The following CTNNA2 variants were observed in gnomAD, a reference collection of about 807,000 sequenced individuals.
CTNNA2 encodes the protein catenin alpha-2.
A neutral mutation model predicts 101.0 loss-of-function variants in CTNNA2; 42 were observed. The observed-to-expected ratio is 0.42, with a 90% CI of 0.32 to 0.54. The LOEUF (loss-of-function observed/expected upper bound fraction) is 0.54, where lower values mean the gene tolerates loss of function less well. Ranked by LOEUF, CTNNA2 falls within the 20% of genes least tolerant of loss-of-function variation. The pLI, the probability that CTNNA2 is intolerant of heterozygous loss-of-function variation, is 0.14. For missense variants in CTNNA2, 871 were observed against 1,223.1 expected (o/e 0.71, Z 4.29); for synonymous variants, 450 against 456.4 (o/e 0.99, Z 0.18).
At chr2:80,375,557 G>T (rs1675862181) in intron 7 of CTNNA2, among the ~76,000 whole-genome samples, 1 of 134,880 alleles carries the variant, frequency 7.4e-6, no homozygotes, top group South Asian at 2.4e-4. Flanking sequence ...CCTGGTTTCT[G>T]GCTTCTTTTT....
intron 7 of CTNNA2, chr2:80,288,353 T>C (rs1041144184): frequency 3.3e-5 from 5 of 152,186 alleles, no homozygotes; most frequent in Admixed American, 2.6e-4. Flanking sequence ...CCTAGGTGTT[T>C]CATTACACTT....
At chr2:80,041,423 G>C (rs1248664108) in intron 7 of CTNNA2, among the ~76,000 whole-genome samples, 1 of 152,070 alleles carries the variant, frequency 6.6e-6, no homozygotes, top group African/African-American at 2.4e-5. Flanking sequence ...TATTTGCTTT[G>C]TGCTGTTCGT....
chr2:79,294,013 C>T (rs11904528), intron 2 of CTNNA2, among the ~76,000 whole-genome samples: 27,300 of 151,770 alleles, frequency 0.18, 3,449 homozygotes, highest in African/African-American at 0.36. Context: ...TGTCTTAGTC[C>T]GCTTGGTCTG....
intron 4 of CTNNA2, among the ~76,000 whole-genome samples, chr2:79,443,049 G>A (rs551567988): frequency 1.3e-5 from 2 of 152,218 alleles, no homozygotes; most frequent in South Asian, 2.1e-4. Context: ...GGAGTTGGGG[G>A]AAGAATATAT....
intron 12 of CTNNA2, among the ~76,000 whole-genome samples, chr2:80,569,848 T>C (rs1236886999): frequency 1.3e-5 from 2 of 151,686 alleles, no homozygotes; most frequent in South Asian, 2.1e-4. Context: ...TTCACTGTGT[T>C]ACCCAGGATG....
At position 79,916,944 on chromosome 2, in the gene CTNNA2, G is replaced by GTTTGT. The variant is rs541183288; in HGVS notation, c.1056+7161_1056+7165dup. 1.7e-3 allele frequency among the ~76,000 whole-genome samples: 257 copies of GTTTGT among 151,646 alleles called. 2 individuals carry two copies. Among genetic ancestry groups the GTTTGT allele is most frequent in the African/African-American group, 5.1e-3 (210 of 41,372 alleles). On this transcript the variant is annotated intron_variant, in intron 7 of 18. Transcript: ENST00000402739. ...AGCTTTTTTTGTTTTTTGTTTGTTT[G>GTTTGT]TTTGTTTTGTTTTGTTTTTTGAGAC...
At chr2:79,750,830 C>G (rs569338961) in intron 3 of CTNNA2, among the ~76,000 whole-genome samples, 1 of 151,232 alleles carries the variant, frequency 6.6e-6, no homozygotes, top group African/African-American at 2.4e-5. Context: ...CAAGATCTTG[C>G]CACTGCACTC....
chr2:79,444,096 T>C (rs1184504488), intron 4 of CTNNA2, among the ~76,000 whole-genome samples: 1 of 151,986 alleles, frequency 6.6e-6, no homozygotes, highest in Non-Finnish European at 1.5e-5. Context: ...ATCTCTACAG[T>C]TGAGCCTTCA....
chr2:79,231,161 C>G (rs1321088576), intron 2 of CTNNA2, among the ~76,000 whole-genome samples: 1 of 152,008 alleles, frequency 6.6e-6, no homozygotes, highest in Non-Finnish European at 1.5e-5. Flanking sequence ...TGGGAGGGGC[C>G]AGGGAAGAAT....
At chr2:79,730,842 G>T (rs993446354) in intron 2 of CTNNA2, among the ~76,000 whole-genome samples, 2 of 150,946 alleles carry the variant, frequency 1.3e-5, no homozygotes, top group African/African-American at 4.9e-5. Context: ...AGAGACAAAG[G>T]GAGACCAAAA....
chr2:80,569,713 G>GC (rs1694405435), intron 12 of CTNNA2, among the ~76,000 whole-genome samples: 1 of 138,066 alleles, frequency 7.2e-6, no homozygotes, highest in South Asian at 2.4e-4. Context: ...CACCACCTCG[G>GC]CTCACTGCAA....
intron 1 of CTNNA2, among the ~76,000 whole-genome samples, chr2:79,649,853 C>T (rs956795100): frequency 3.9e-5 from 6 of 152,004 alleles, no homozygotes; most frequent in African/African-American, 1.4e-4. Flanking sequence ...TTGGTTGGGT[C>T]TATTTGCAAA....
intron 7 of CTNNA2, among the ~76,000 whole-genome samples, chr2:80,369,066 A>T (rs1675215009): frequency 6.6e-6 from 1 of 151,990 alleles, no homozygotes; most frequent in Admixed American, 6.6e-5. Flanking sequence ...ACAGGTTCAT[A>T]AAGTTTATTT....
At chr2:80,417,233 CAT>C (rs1438898174) in intron 8 of CTNNA2, among the ~76,000 whole-genome samples, 1 of 150,824 alleles carries the variant, frequency 6.6e-6, no homozygotes, top group Non-Finnish European at 1.5e-5. Context: ...ATTAAGATAA[CAT>C]ATTAATCATC....
Position 79,536,286 on chromosome 2 carries a change from A to G in CTNNA2, c.-6+23079A>G, listed in dbSNP as rs536143127. ...TCGCTATTTGGTTGATTCTGATCATATATCTGTTTCTATTAAGGTGCAAGC... is the reference window on the plus strand; with the variant it reads ...TCGCTATTTGGTTGATTCTGATCATGTATCTGTTTCTATTAAGGTGCAAGC... On this transcript the variant is annotated intron_variant, in intron 1 of 18. Coordinates refer to ENST00000402739, the MANE Select transcript of CTNNA2 (RefSeq NM_001282597.3). 6.6e-5 allele frequency among the ~76,000 whole-genome samples: 10 copies of G among 152,308 alleles called. 1 individual carries two copies. The East Asian group carries it at 1.7e-3, about 26-fold the overall frequency.
intron 2 of CTNNA2, among the ~76,000 whole-genome samples, chr2:79,301,783 T>C (rs1297123432): frequency 6.6e-6 from 1 of 152,058 alleles, no homozygotes; most frequent in African/African-American, 2.4e-5. Context: ...AGATCTGGAC[T>C]TTCTCATGAA....
intron 7 of CTNNA2, among the ~76,000 whole-genome samples, chr2:80,059,054 A>T (rs1408889464): frequency 2.0e-5 from 3 of 152,172 alleles, no homozygotes; most frequent in Non-Finnish European, 2.9e-5. Flanking sequence ...ATTATTGTTA[A>T]TAACACATTT....
chr2:80,567,840 CG>C (rs1311333564), intron 12 of CTNNA2, among the ~76,000 whole-genome samples: 1 of 151,956 alleles, frequency 6.6e-6, no homozygotes, highest in African/African-American at 2.4e-5. Flanking sequence ...CCATCCCTGT[CG>C]TGATATTTTA....
At chr2:79,837,963 C>T (rs1679517481) in intron 3 of CTNNA2, among the ~76,000 whole-genome samples, 1 of 151,960 alleles carries the variant, frequency 6.6e-6, no homozygotes, top group Non-Finnish European at 1.5e-5. Flanking sequence ...TGATTTTCTA[C>T]AATATTTCTG....
Sources: gnomAD v4.1 joint callset for allele counts (sites outside exome capture counted in the v4.1 genomes callset) on GRCh38, gnomAD v4.1.1 for gene constraint, MANE v1.5 for transcripts, NCBI Gene and HGNC (gene_info 2026-07-23, HGNC 2026-07-21) for gene names.